The following WDFY2 variants were observed in gnomAD, a reference collection of about 807,000 sequenced individuals.
WDFY2 encodes the protein WD repeat and FYVE domain-containing protein 2.
WDFY2 carries 36 observed loss-of-function variants against 56.4 expected under a neutral mutation model. The ratio of observed to expected loss-of-function variants is 0.64; its 90% confidence interval spans 0.49 to 0.84. The LOEUF is 0.84. Ranked by LOEUF, WDFY2 falls within the 40% of genes least tolerant of loss-of-function variation. WDFY2 has a pLI of 0.00. For synonymous variants in WDFY2, 176 were observed against 183.7 expected (o/e 0.96, Z 0.34); for missense variants, 444 against 512.2 (o/e 0.87, Z 1.29).
intron 1 of WDFY2, among the ~76,000 whole-genome samples, chr13:51,649,323 A>G (rs1020949016): frequency 1.4e-4 from 21 of 152,212 alleles, no homozygotes; most frequent in African/African-American, 4.6e-4. Flanking sequence ...AGCACGTGCA[A>G]GATGGACTGT....
chr13:51,612,263 C>G (rs1161593459), intron 1 of WDFY2, among the ~76,000 whole-genome samples: 1 of 152,054 alleles, frequency 6.6e-6, no homozygotes, highest in South Asian at 2.1e-4. Flanking sequence ...AGCAGCCCTG[C>G]CTCCCTGTTT....
intron 7 of WDFY2, among the ~76,000 whole-genome samples, chr13:51,748,942 T>A (rs1373763679): frequency 1.3e-5 from 2 of 152,176 alleles, no homozygotes; most frequent in Non-Finnish European, 2.9e-5. Flanking sequence ...AGTATTGCCC[T>A]TTTCATCTTC....
Position 51,760,841 on chromosome 13 carries a change from G to T in WDFY2, c.*1072G>T, listed in dbSNP as rs1351329075. On this transcript the variant is annotated 3_prime_UTR_variant, in exon 12 of 12. Coordinates refer to ENST00000298125, the MANE Select transcript of WDFY2 (RefSeq NM_052950.4). Reference sequence around the variant, plus strand: ...CACCGCTGATCTGATGGGAGGCGGAGCCCAGGCAGTAACACTTGCTTGCCC... The same window carrying T: ...CACCGCTGATCTGATGGGAGGCGGATCCCAGGCAGTAACACTTGCTTGCCC... 1 of 152,362 alleles carries T rather than the reference G, an allele frequency of 6.6e-6. No individual in the cohort carries two copies. Among genetic ancestry groups the T allele is most frequent in the Non-Finnish European group, 1.5e-5 (1 of 68,080 alleles). The allele number at this position is 152,362 out of a possible 1,614,324, so 9.4% of individuals were successfully genotyped here.
chr13:51,662,390 C>T (rs1269491739), intron 2 of WDFY2, among the ~76,000 whole-genome samples: 1 of 152,042 alleles, frequency 6.6e-6, no homozygotes, highest in African/African-American at 2.4e-5. Flanking sequence ...TGAAGTTGGC[C>T]TCAGAGATCA....
chr13:51,689,379 C>A (rs1404137622), intron 3 of WDFY2, among the ~76,000 whole-genome samples: 2 of 152,032 alleles, frequency 1.3e-5, no homozygotes, highest in East Asian at 1.9e-4. Flanking sequence ...TATGTGTAAA[C>A]CTGAATTTGA....
At chr13:51,718,565 C>CACAA (rs1952415599) in intron 4 of WDFY2, among the ~76,000 whole-genome samples, 1 of 138,834 alleles carries the variant, frequency 7.2e-6, no homozygotes. Context: ...TTCATACACA[C>CACAA]ACACACACAC....
At chr13:51,690,733 A>G (rs1956138684) in intron 3 of WDFY2, among the ~76,000 whole-genome samples, 1 of 152,148 alleles carries the variant, frequency 6.6e-6, no homozygotes, top group Non-Finnish European at 1.5e-5. Context: ...GCTGGGTCAA[A>G]TGGTATTTCC....
chr13:51,742,438 CAA>C (rs5803568), intron 7 of WDFY2, among the ~76,000 whole-genome samples: 1 of 138,168 alleles, frequency 7.2e-6, no homozygotes. Flanking sequence ...GGAGGAAGGG[CAA>C]AAAAAAAAAG....
intron 1 of WDFY2, among the ~76,000 whole-genome samples, chr13:51,630,263 C>A (rs1593903263): frequency 6.6e-6 from 1 of 152,080 alleles, no homozygotes; most frequent in Non-Finnish European, 1.5e-5. Context: ...CTTATTTATT[C>A]CCATGTACGA....
In WDFY2 at chr13:51,671,680, G is replaced by A. The variant is rs148443092; in HGVS notation, c.206-3490G>A. On this transcript the variant is annotated intron_variant, in intron 2 of 11. Transcript: ENST00000298125. ...GCTAAGATTTTTTTCCCACTCTTTGGGTTGTCTGTTTACTCTGCTGATTGT... is the reference window on the plus strand; with the variant it reads ...GCTAAGATTTTTTTCCCACTCTTTGAGTTGTCTGTTTACTCTGCTGATTGT... 2.8e-3 allele frequency among the ~76,000 whole-genome samples: 421 copies of A among 151,664 alleles called. 1 individual carries two copies. Among genetic ancestry groups the A allele is most frequent in the African/African-American group, 1.0e-2 (412 of 41,316 alleles).
chr13:51,696,791 T>C (rs1299011140), intron 3 of WDFY2, among the ~76,000 whole-genome samples: 1 of 152,236 alleles, frequency 6.6e-6, no homozygotes, highest in Non-Finnish European at 1.5e-5. Flanking sequence ...AAGAATGTTG[T>C]AAGCTTAAAA....
intron 1 of WDFY2, among the ~76,000 whole-genome samples, chr13:51,655,065 CTTAA>C (rs908697218): frequency 2.4e-4 from 37 of 152,132 alleles, no homozygotes; most frequent in African/African-American, 8.4e-4. Context: ...TGTAACTTGG[CTTAA>C]TTAATTTAAT....
At chr13:51,734,922 G>A (rs191512239) in intron 6 of WDFY2, among the ~76,000 whole-genome samples, 4 of 152,332 alleles carry the variant, frequency 2.6e-5, no homozygotes, top group South Asian at 2.1e-4. Flanking sequence ...AAAACCACAA[G>A]CATTGAAGCC....
intron 1 of WDFY2, among the ~76,000 whole-genome samples, chr13:51,614,215 A>G (rs1954563708): frequency 6.7e-6 from 1 of 149,848 alleles, no homozygotes; most frequent in South Asian, 2.1e-4. Flanking sequence ...AAAAAAGTGT[A>G]TCTGTGAATA....
intron 6 of WDFY2, among the ~76,000 whole-genome samples, chr13:51,733,518 G>A (rs1342302595): frequency 6.6e-6 from 1 of 152,202 alleles, no homozygotes; most frequent in Non-Finnish European, 1.5e-5. Context: ...GGAAACCAGT[G>A]ATGAAGTTTA....
At chr13:51,721,847 G>T (rs150585879) in intron 5 of WDFY2, among the ~76,000 whole-genome samples, 1 of 152,286 alleles carries the variant, frequency 6.6e-6, no homozygotes, top group East Asian at 1.9e-4. Flanking sequence ...TCTCAGCCAA[G>T]AACCACGTGA....
At chr13:51,694,123 T>G (rs1373485944) in intron 3 of WDFY2, among the ~76,000 whole-genome samples, 1 of 152,198 alleles carries the variant, frequency 6.6e-6, no homozygotes, top group Non-Finnish European at 1.5e-5. Context: ...CTGATGGGTC[T>G]TGACTCTTTA....
chr13:51,645,202 A>G (rs189860562), intron 1 of WDFY2, among the ~76,000 whole-genome samples: 8 of 150,676 alleles, frequency 5.3e-5, no homozygotes, highest in Admixed American at 2.6e-4. Context: ...AAGTTTTTCT[A>G]TTAGTTTGCA....
chr13:51,700,628 G>A (rs1951963347), intron 3 of WDFY2, among the ~76,000 whole-genome samples: 1 of 152,170 alleles, frequency 6.6e-6, no homozygotes, highest in Admixed American at 6.5e-5. Flanking sequence ...AATATTTTCA[G>A]TAAGGAAAAC....
Sources: allele counts gnomAD v4.1 joint callset (sites outside exome capture counted in the v4.1 genomes callset), GRCh38; gene constraint gnomAD v4.1.1; transcripts MANE v1.5; gene names NCBI Gene and HGNC (gene_info 2026-07-23, HGNC 2026-07-21).